Variants in PRLR observed in about 807,000 individuals in gnomAD.
The protein encoded by PRLR is hPRL receptor.
A neutral mutation model predicts 40.2 loss-of-function variants in PRLR; 13 were observed. That is an observed-to-expected ratio of 0.32 (90% confidence interval 0.21 to 0.51). The LOEUF (loss-of-function observed/expected upper bound fraction) is 0.51, where lower values mean the gene tolerates loss of function less well. Among genes scored for constraint, PRLR ranks in the 20% least tolerant of loss-of-function variants. The pLI is 0.97. For missense variants in PRLR, 656 were observed against 747.3 expected, an observed-to-expected ratio of 0.88 and a Z score of 1.42; for synonymous variants, 269 against 278.7, an observed-to-expected ratio of 0.97 and a Z score of 0.35.
At position 35,061,135 on chromosome 5, in the gene PRLR, T is replaced by TAA. The variant is rs556591241; in HGVS notation, c.*3952_*3953dup. 2.6e-5 allele frequency: 4 copies of TAA among 152,074 alleles called. No homozygotes were observed. The South Asian group carries it at 8.3e-4, about 31-fold the overall frequency. The allele number at this position is 152,074 out of a possible 1,614,324, so 9.4% of individuals were successfully genotyped here. ...CTATATCTATATCTATATATATATA[T>TAA]AATCCCTATAAGGCAAATGTTACTT... On this transcript the variant is annotated 3_prime_UTR_variant, in exon 10 of 10. Transcript: ENST00000618457.
intron 1 of PRLR, among the ~76,000 whole-genome samples, chr5:35,182,098 C>G (rs184527750): frequency 6.6e-6 from 1 of 152,208 alleles, no homozygotes; most frequent in Non-Finnish European, 1.5e-5. Flanking sequence ...CTGACCAGAT[C>G]AGTACTTAGA....
intron 1 of PRLR, among the ~76,000 whole-genome samples, chr5:35,207,614 T>TTGTGTGTGTGTGTGTG (rs142502829): frequency 0.01 from 1,506 of 146,938 alleles, 17 homozygotes; most frequent in Admixed American, 0.031. Context: ...CAATGGGAGA[T>TTGTGTGTGTGTGTGTG]TGTGTGTGTG....
rs374260243 is a variant in PRLR at position 35,075,920 on chromosome 5, C to T, written c.374-3176G>A. Among the ~76,000 whole-genome samples, 6 of 152,190 alleles carry T rather than the reference C, an allele frequency of 3.9e-5. No homozygotes were observed. In the East Asian group the frequency reaches 1.2e-3, roughly 29 times the overall value. On this transcript the variant is annotated intron_variant, in intron 5 of 9. Coordinates refer to ENST00000618457, the MANE Select transcript of PRLR (RefSeq NM_000949.7). ...GCAGCCTCTGCTGGTGATACCCAGG[C>T]AAACAGGGTCTGGAGTGGACCTCCA... is the stretch of plus-strand genomic sequence containing the variant.
chr5:35,117,952 T>C, intron 2 of PRLR, 109 bp downstream of exon 2: 1 of 488,118 alleles, frequency 2.0e-6, no homozygotes, highest in Non-Finnish European at 2.7e-6. Context: ...TTGACTGGTT[T>C]GAGATGATAT....
chr5:35,113,991 A>G (rs1400695906), intron 2 of PRLR, among the ~76,000 whole-genome samples: 2 of 152,232 alleles, frequency 1.3e-5, no homozygotes, highest in Non-Finnish European at 2.9e-5. Context: ...AGGAGGTATC[A>G]GTCTAAGCTA....
rs760140172 is a variant in PRLR at position 35,072,611 on chromosome 5, T to G, written c.507A>C (p.Glu169Asp). ...CTGCTTTCTCGGGTTTTAATCGAAT[T>G]TCATACAGGAGCGTGAACCAACCAG... The part of the protein sequence containing the change: ...LKTGWFTLLY[E>D]IRLKPEKAAE... The change falls in exon 6 of 10, where the codon GAA becomes GAC. Residue 169 changes from glutamate to aspartate, a missense_variant. Physicochemically the swap from Glu to Asp is conservative, Grantham distance 45 (BLOSUM62 2). This residue lies in a region of PRLR where 180 missense variants were observed against 236.8 expected (regional missense o/e 0.76). Transcript: ENST00000618457. 1.2e-6 allele frequency: 2 copies of G among 1,614,056 alleles called. No individual in the cohort carries two copies. Among genetic ancestry groups the G allele is most frequent in the Non-Finnish European group, 1.7e-6 (2 of 1,179,964 alleles).
intron 1 of PRLR, among the ~76,000 whole-genome samples, chr5:35,166,838 G>A (rs1440592222): frequency 6.6e-6 from 1 of 152,070 alleles, no homozygotes. Flanking sequence ...CTTTCCCTGT[G>A]TATTATATTG....
intron 1 of PRLR, among the ~76,000 whole-genome samples, chr5:35,134,379 T>C (rs1277616187): frequency 2.7e-5 from 4 of 146,538 alleles, no homozygotes; most frequent in Non-Finnish European, 6.0e-5. Flanking sequence ...TGCTTTCTGG[T>C]CACTCTGGTG....
chr5:35,131,777 A>G (rs1026363468), intron 1 of PRLR, among the ~76,000 whole-genome samples: 3 of 152,170 alleles, frequency 2.0e-5, no homozygotes, highest in African/African-American at 7.2e-5. Context: ...AGGAGCACCT[A>G]CCATACAAGC....
chr5:35,081,535 G>C (rs1770517521), intron 5 of PRLR: 1 of 157,038 alleles, frequency 6.4e-6, no homozygotes, highest in Non-Finnish European at 1.4e-5. Flanking sequence ...GAGTTCCGTG[G>C]GCACTTCTTT....
At chr5:35,193,986 G>A (rs1775671937) in intron 1 of PRLR, among the ~76,000 whole-genome samples, 1 of 152,132 alleles carries the variant, frequency 6.6e-6, no homozygotes, top group South Asian at 2.1e-4. Flanking sequence ...TGTCCACGGA[G>A]CATCTCCCAA....
At chr5:35,118,747 G>T (rs921760445) in intron 1 of PRLR, among the ~76,000 whole-genome samples, 6 of 151,704 alleles carry the variant, frequency 4.0e-5, no homozygotes, top group Non-Finnish European at 7.4e-5. Context: ...GGACTGACTA[G>T]CCTGAGTCTC....
At chr5:35,070,328 C>T in intron 6 of PRLR, 63 bp from the exon 7 acceptor site, 2 of 1,571,530 alleles carry the variant, frequency 1.3e-6, no homozygotes, top group Non-Finnish European at 8.7e-7. Flanking sequence ...AGAGAGTTTT[C>T]CCCTAAAAAA....
At chr5:35,113,692 G>A (rs1772838242) in intron 2 of PRLR, among the ~76,000 whole-genome samples, 1 of 152,228 alleles carries the variant, frequency 6.6e-6, no homozygotes, top group Non-Finnish European at 1.5e-5. Context: ...GAAGAGAGGA[G>A]CTAATAAAAC....
At chr5:35,159,025 C>A (rs909810724) in intron 1 of PRLR, among the ~76,000 whole-genome samples, 1 of 152,046 alleles carries the variant, frequency 6.6e-6, no homozygotes, top group Admixed American at 6.6e-5. Flanking sequence ...ACACTTACAA[C>A]CAAAAAGTCT....
chr5:35,052,279 C>T (rs967783538), downstream of PRLR, among the ~76,000 whole-genome samples: 1 of 152,062 alleles, frequency 6.6e-6, no homozygotes, highest in African/African-American at 2.4e-5. Flanking sequence ...GGTACTTTAA[C>T]CTTAAAATAT....
chr5:35,086,332 G>A lies in PRLR; in HGVS notation c.79C>T (p.Pro27Ser). The change falls in exon 4 of 10, where the codon CCT (proline) becomes TCT (serine). Residue 27 changes from proline to serine, a missense_variant. Pro to Ser is a moderately conservative substitution (Grantham distance 74, BLOSUM62 -1). Transcript: ENST00000618457. ...TTAAAGATCTCAGGTTTTCCAGGAG[G>A]TAACTGTCCTAGAAAAAGCCAGAAG... is the stretch of plus-strand genomic sequence containing the variant. ...LNTCLLNGQL[P>S]PGKPEIFKCR... The A allele has an allele frequency of 6.2e-7, 1 of 1,613,256 alleles. No homozygotes were observed. Among genetic ancestry groups the A allele is most frequent in the Non-Finnish European group, 8.5e-7 (1 of 1,179,644 alleles).
At chr5:35,197,480 A>G (rs1340229710) in intron 1 of PRLR, among the ~76,000 whole-genome samples, 2 of 152,198 alleles carry the variant, frequency 1.3e-5, no homozygotes, top group Non-Finnish European at 2.9e-5. Flanking sequence ...ATTGGTGCTT[A>G]GGTGAATGAC....
At chr5:35,198,307 C>T (rs1554055648) in intron 1 of PRLR, among the ~76,000 whole-genome samples, 2 of 152,204 alleles carry the variant, frequency 1.3e-5, no homozygotes. Flanking sequence ...AGTCATCTTC[C>T]ACTTGCCAAA....
Sources: allele counts gnomAD v4.1 joint callset (sites outside exome capture counted in the v4.1 genomes callset), GRCh38; gene constraint gnomAD v4.1.1; regional missense constraint gnomAD v4.1.1; transcripts MANE v1.5; gene names NCBI Gene and HGNC (gene_info 2026-07-23, HGNC 2026-07-21).